The following HCRTR2 variants were observed in gnomAD, a reference collection of about 807,000 sequenced individuals.
HCRTR2 encodes the protein orexin receptor type 2.
Under a neutral mutation model 49.0 loss-of-function variants are expected in HCRTR2, and 22 were observed. The ratio of observed to expected loss-of-function variants is 0.45; its 90% confidence interval spans 0.32 to 0.64. HCRTR2 has a LOEUF of 0.64. Ranked by LOEUF, HCRTR2 falls within the 30% of genes least tolerant of loss-of-function variation. The pLI is 0.04. For missense variants in HCRTR2, 491 were observed against 559.4 expected (o/e 0.88, Z 1.23); for synonymous variants, 236 against 205.3 (o/e 1.15, Z -1.28).
intron 1 of HCRTR2, among the ~76,000 whole-genome samples, chr6:55,210,450 G>C (rs898992248): frequency 1.3e-5 from 2 of 151,884 alleles, no homozygotes; most frequent in African/African-American, 2.4e-5. Flanking sequence ...TCTGGCCTGG[G>C]GCAATTCAGA....
chr6:55,271,528 T>C (rs1458998145), intron 4 of HCRTR2, among the ~76,000 whole-genome samples: 1 of 152,114 alleles, frequency 6.6e-6, no homozygotes, highest in Non-Finnish European at 1.5e-5. Flanking sequence ...ACAATGTAGA[T>C]ACATTAGACA....
chr6:55,179,514 A>G (rs1488826387), intron 1 of HCRTR2, among the ~76,000 whole-genome samples: 2 of 152,188 alleles, frequency 1.3e-5, no homozygotes, highest in East Asian at 1.9e-4. Flanking sequence ...TAAAATCCCA[A>G]TGATAACTTT....
chr6:55,119,232 G>T (rs1028781641), intron 1 of HCRTR2, among the ~76,000 whole-genome samples: 15 of 152,026 alleles, frequency 9.9e-5, no homozygotes, highest in Admixed American at 2.0e-4. Context: ...ATTGTGAATA[G>T]TGCCACAATA....
At chr6:55,161,280 A>C (rs2127262424) in intron 1 of HCRTR2, among the ~76,000 whole-genome samples, 1 of 152,318 alleles carries the variant, frequency 6.6e-6, no homozygotes, top group African/African-American at 2.4e-5. Context: ...GTTACTTGAA[A>C]CCAATGAGAA....
intron 1 of HCRTR2, among the ~76,000 whole-genome samples, chr6:55,116,123 C>T (rs1764112681): frequency 6.6e-6 from 1 of 151,412 alleles, no homozygotes; most frequent in South Asian, 2.1e-4. Context: ...AATTTACTAA[C>T]TCCAAAGAGA....
intron 1 of HCRTR2, among the ~76,000 whole-genome samples, chr6:55,196,835 A>G (rs1399422401): frequency 6.6e-6 from 1 of 152,174 alleles, no homozygotes; most frequent in Non-Finnish European, 1.5e-5. Flanking sequence ...AAATTTATGT[A>G]GAGATTAGAG....
intron 1 of HCRTR2, among the ~76,000 whole-genome samples, chr6:55,190,935 A>G (rs142937609): frequency 3.9e-5 from 6 of 152,280 alleles, no homozygotes; most frequent in African/African-American, 1.4e-4. Context: ...CTCCTGTTAT[A>G]TTTGATGGAG....
intron 1 of HCRTR2, among the ~76,000 whole-genome samples, chr6:55,224,034 G>C (rs1347729220): frequency 6.6e-6 from 1 of 152,108 alleles, no homozygotes; most frequent in Admixed American, 6.5e-5. Flanking sequence ...TTTTCAATGA[G>C]AGATTTTATT....
chr6:55,135,710 G>A (rs1444273459), intron 1 of HCRTR2, among the ~76,000 whole-genome samples: 1 of 152,082 alleles, frequency 6.6e-6, no homozygotes, highest in Non-Finnish European at 1.5e-5. Flanking sequence ...TAAGTTATTT[G>A]CTATCATTTA....
chr6:55,159,016 A>G (rs1271833746), intron 1 of HCRTR2, among the ~76,000 whole-genome samples: 1 of 152,162 alleles, frequency 6.6e-6, no homozygotes, highest in Non-Finnish European at 1.5e-5. Flanking sequence ...ACTGGGAGAC[A>G]CCGCACAGCA....
rs1191113606 is a variant in HCRTR2, at chr6:55,145,466, A to T, written c.-377-28745A>T. 3.4e-5 allele frequency among the ~76,000 whole-genome samples: 5 copies of T among 147,978 alleles called. No individual in the cohort carries two copies. In the Admixed American group the frequency reaches 3.4e-4, roughly 10 times the overall value. Reference sequence around the variant, plus strand: ...TGCTCAGTCGCCTAGGCTGGAGTGCAGTGGCGCGATCTCGGCTCACTGCAA... The same window carrying T: ...TGCTCAGTCGCCTAGGCTGGAGTGCTGTGGCGCGATCTCGGCTCACTGCAA... On this transcript the variant is annotated intron_variant, in intron 1 of 7. Coordinates refer to the HCRTR2 transcript ENST00000615358.
At chr6:55,168,635 A>G (rs978048719) in intron 1 of HCRTR2, among the ~76,000 whole-genome samples, 1 of 152,054 alleles carries the variant, frequency 6.6e-6, no homozygotes, top group African/African-American at 2.4e-5. Flanking sequence ...GCGTGACCAC[A>G]GCTCACTGCA....
chr6:55,128,581 G>T (rs1306518082), intron 1 of HCRTR2, among the ~76,000 whole-genome samples: 1 of 152,070 alleles, frequency 6.6e-6, no homozygotes, highest in Non-Finnish European at 1.5e-5. Context: ...ATTTGTTTAG[G>T]TCATTTCTGA....
At chr6:55,201,491 A>G (rs1308761046) in intron 1 of HCRTR2, among the ~76,000 whole-genome samples, 1 of 152,146 alleles carries the variant, frequency 6.6e-6, no homozygotes, top group East Asian at 1.9e-4. Context: ...GCAAATCTCA[A>G]TAGTGCAATT....
chr6:55,154,471 A>G (rs1170716812), intron 1 of HCRTR2, among the ~76,000 whole-genome samples: 1 of 151,858 alleles, frequency 6.6e-6, no homozygotes, highest in Non-Finnish European at 1.5e-5. Context: ...AAGTCAACAT[A>G]TAAAATTGAA....
chr6:55,180,867 T>C (rs1227039682), intron 1 of HCRTR2, among the ~76,000 whole-genome samples: 1 of 152,034 alleles, frequency 6.6e-6, no homozygotes, highest in African/African-American at 2.4e-5. Flanking sequence ...TGGCACAATC[T>C]CGTCTCACTG....
intron 1 of HCRTR2, among the ~76,000 whole-genome samples, chr6:55,234,691 C>A (rs965823660): frequency 6.6e-6 from 1 of 151,978 alleles, no homozygotes; most frequent in South Asian, 2.1e-4. Context: ...TCAAAAAGTA[C>A]GAAATGTTGG....
chr6:55,133,545 T>C (rs1282580884), intron 1 of HCRTR2, among the ~76,000 whole-genome samples: 1 of 151,904 alleles, frequency 6.6e-6, no homozygotes, highest in East Asian at 1.9e-4. Context: ...AACTTATTGA[T>C]GACCTCACTA....
chr6:55,111,287 C>A (rs1764045203), intron 1 of HCRTR2, among the ~76,000 whole-genome samples: 1 of 151,888 alleles, frequency 6.6e-6, no homozygotes, highest in African/African-American at 2.4e-5. Flanking sequence ...AAACCAAACC[C>A]AAACCTAGCA....
Sources: gnomAD v4.1 joint callset for allele counts (sites outside exome capture counted in the v4.1 genomes callset) on GRCh38, gnomAD v4.1.1 for gene constraint, MANE v1.5 for transcripts, NCBI Gene and HGNC (gene_info 2026-07-23, HGNC 2026-07-21) for gene names.